The following ATRNL1 variants were observed in gnomAD, a reference collection of about 807,000 sequenced individuals.
ATRNL1 encodes attractin-like protein 1.
ATRNL1 carries 95 observed loss-of-function variants against 182.7 expected under a neutral mutation model. The ratio of observed to expected loss-of-function variants is 0.52; its 90% CI spans 0.44 to 0.62. ATRNL1 has a LOEUF of 0.62. Among genes scored for constraint, ATRNL1 ranks in the 20% least tolerant of loss-of-function variants. ATRNL1 has a pLI of 0.00. For synonymous variants in ATRNL1, 576 were observed against 568.3 expected (o/e 1.01, Z -0.19); for missense variants, 1,471 against 1,679.5 (o/e 0.88, Z 2.17).
chr10:115,144,952 C>T (rs1845910966), intron 5 of ATRNL1, among the ~76,000 whole-genome samples: 1 of 152,058 alleles, frequency 6.6e-6, no homozygotes, highest in South Asian at 2.1e-4. Flanking sequence ...ATATATTAGG[C>T]AACTATTTAC....
intron 28 of ATRNL1, among the ~76,000 whole-genome samples, chr10:115,853,879 C>T (rs782743628): frequency 2.0e-5 from 3 of 152,084 alleles, no homozygotes; most frequent in Non-Finnish European, 2.9e-5. Context: ...AAATATGACT[C>T]CGTGTCAAAA....
intron 26 of ATRNL1, among the ~76,000 whole-genome samples, chr10:115,574,747 C>G (rs1555004610): frequency 6.6e-6 from 1 of 152,176 alleles, no homozygotes; most frequent in Non-Finnish European, 1.5e-5. Flanking sequence ...AAGGTTTGCT[C>G]AGCCCTGTTA....
At chr10:115,152,287 T>G (rs1463309298) in intron 5 of ATRNL1, among the ~76,000 whole-genome samples, 1 of 152,224 alleles carries the variant, frequency 6.6e-6, no homozygotes, top group Non-Finnish European at 1.5e-5. Context: ...TGGCATTGAA[T>G]CTATAAATTA....
At chr10:115,141,893 A>G (rs1230064338) in intron 5 of ATRNL1, among the ~76,000 whole-genome samples, 1 of 152,200 alleles carries the variant, frequency 6.6e-6, no homozygotes, top group African/African-American at 2.4e-5. Context: ...ACTGTTTGAA[A>G]ATAAAAGCAG....
intron 28 of ATRNL1, among the ~76,000 whole-genome samples, chr10:115,938,747 G>A (rs1247475131): frequency 2.6e-5 from 4 of 152,092 alleles, no homozygotes; most frequent in Non-Finnish European, 5.9e-5. Flanking sequence ...AAATAAGCCA[G>A]GCACAGAAAG....
intron 16 of ATRNL1, among the ~76,000 whole-genome samples, chr10:115,301,528 T>A (rs562498208): frequency 5.3e-5 from 8 of 152,200 alleles, no homozygotes; most frequent in Admixed American, 3.3e-4. Context: ...AAAACGTGGC[T>A]GGGAAAAAAT....
At chr10:115,384,488 C>T (rs1029745872) in intron 19 of ATRNL1, among the ~76,000 whole-genome samples, 3 of 151,770 alleles carry the variant, frequency 2.0e-5, no homozygotes, top group African/African-American at 4.8e-5. Flanking sequence ...ATGGGCCATT[C>T]GGTCTGTGTG....
Position 115,311,781 on chromosome 10 carries a change from G to T in ATRNL1, c.2819-3737G>T, listed in dbSNP as rs149089368. Among the ~76,000 whole-genome samples the T allele has an allele frequency of 6.8e-4, 103 of 152,106 alleles. 1 individual carries two copies. The East Asian group carries it at 0.017, about 26-fold the overall frequency. On this transcript the variant is annotated intron_variant, in intron 17 of 28. Transcript: ENST00000355044. ...TATTGATTGTTTTATGAATTTGGCA[G>T]CTCTAGTGTTAGGTGCATATATATT...
Position 115,850,148 on chromosome 10 carries a change from T to A in ATRNL1, c.4018+2157T>A, listed in dbSNP as rs551599332. On this transcript the variant is annotated intron_variant, in intron 28 of 28. Coordinates refer to ENST00000355044, the MANE Select transcript of ATRNL1 (RefSeq NM_207303.4). Reference sequence around the variant, plus strand: ...TATCTGCATCAATTTGGAAGATGGGTAAGAGGGGTAGATGGACTGATATGT... The same window carrying A: ...TATCTGCATCAATTTGGAAGATGGGAAAGAGGGGTAGATGGACTGATATGT... Among the ~76,000 whole-genome samples the A allele has an allele frequency of 3.3e-5, 5 of 152,216 alleles. No homozygotes were observed. The East Asian group carries it at 9.7e-4, about 29-fold the overall frequency.
At chr10:115,209,911 C>T (rs1848955531) in intron 8 of ATRNL1, among the ~76,000 whole-genome samples, 1 of 151,902 alleles carries the variant, frequency 6.6e-6, no homozygotes, top group Non-Finnish European at 1.5e-5. Flanking sequence ...AATTTTTCAC[C>T]TGAAACTACT....
At chr10:115,527,804 CCCTCCCTTCCTTCCTTCCTT>C (rs1336464243) in intron 25 of ATRNL1, among the ~76,000 whole-genome samples, 6 of 116,926 alleles carry the variant, frequency 5.1e-5, no homozygotes, top group Non-Finnish European at 1.1e-4. Flanking sequence ...CTCCTTCCCT[CCCTCCCTTCCTTCCTTCCTT>C]CCTCCCTTCC....
At chr10:115,240,330 C>T (rs1480706189) in intron 9 of ATRNL1, among the ~76,000 whole-genome samples, 2 of 151,306 alleles carry the variant, frequency 1.3e-5, no homozygotes, top group Non-Finnish European at 2.9e-5. Flanking sequence ...TGGCTCACTG[C>T]AACCTCCGCC....
chr10:115,771,457 C>T (rs1398190390), intron 27 of ATRNL1, among the ~76,000 whole-genome samples: 2 of 152,120 alleles, frequency 1.3e-5, no homozygotes, highest in African/African-American at 4.8e-5. Flanking sequence ...GTCTCAATCT[C>T]CTGACCTCGT....
chr10:115,315,185 A>G (rs1356413257), intron 17 of ATRNL1, among the ~76,000 whole-genome samples: 4 of 152,136 alleles, frequency 2.6e-5, no homozygotes, highest in African/African-American at 9.7e-5. Context: ...TATCACAGAC[A>G]ATAATAAAGG....
At chr10:115,156,385 C>T (rs1029761226) in intron 5 of ATRNL1, among the ~76,000 whole-genome samples, 1 of 151,970 alleles carries the variant, frequency 6.6e-6, no homozygotes, top group Non-Finnish European at 1.5e-5. Context: ...TGGGAGGAAA[C>T]GATCAAGGTT....
At chr10:115,584,455 ACTT>A (rs1481890081) in intron 26 of ATRNL1, among the ~76,000 whole-genome samples, 2 of 141,482 alleles carry the variant, frequency 1.4e-5, no homozygotes, top group Non-Finnish European at 1.6e-5. Flanking sequence ...CAGAGATTCA[ACTT>A]CTTCTTGGTT....
intron 5 of ATRNL1, among the ~76,000 whole-genome samples, chr10:115,150,352 T>C (rs1258364582): frequency 6.6e-6 from 1 of 151,978 alleles, no homozygotes; most frequent in Non-Finnish European, 1.5e-5. Context: ...GCTTTTATCT[T>C]TATTATTTAT....
intron 18 of ATRNL1, among the ~76,000 whole-genome samples, chr10:115,323,053 T>C (rs1259588519): frequency 1.3e-5 from 2 of 152,046 alleles, no homozygotes; most frequent in South Asian, 4.1e-4. Flanking sequence ...AGAAATGATG[T>C]TTTCAAATAA....
chr10:115,898,592 C>T (rs181698543), intron 28 of ATRNL1, among the ~76,000 whole-genome samples: 189 of 152,270 alleles, frequency 1.2e-3, no homozygotes, highest in African/African-American at 4.0e-3. Context: ...CAAACACATA[C>T]GAGTGGAGGT....
Sources: allele counts gnomAD v4.1 joint callset (sites outside exome capture counted in the v4.1 genomes callset), GRCh38; gene constraint gnomAD v4.1.1; transcripts MANE v1.5; gene names NCBI Gene and HGNC (gene_info 2026-07-23, HGNC 2026-07-21).